SEZ6L: variants seen among roughly 807,000 people sequenced by gnomAD.
SEZ6L encodes the protein seizure related 6 homolog like.
Under a neutral mutation model 106.2 loss-of-function variants are expected in SEZ6L, and 37 were observed. That is an observed-to-expected ratio of 0.35 (90% CI 0.27 to 0.46). The LOEUF is 0.46. Ranked by LOEUF, SEZ6L falls within the 20% of genes least tolerant of loss-of-function variation. SEZ6L has a pLI of 1.00. For missense variants in SEZ6L, 1,172 were observed against 1,332.8 expected (o/e 0.88, Z 1.88); for synonymous variants, 541 against 570.4 (o/e 0.95, Z 0.73).
At chr22:26,373,209 G>GTAAT (rs1485200884) in intron 13 of SEZ6L, among the ~76,000 whole-genome samples, 1 of 152,224 alleles carries the variant, frequency 6.6e-6, no homozygotes, top group Non-Finnish European at 1.5e-5. Flanking sequence ...TGAGTGTTCA[G>GTAAT]TAATTATTCA....
At chr22:26,366,217 C>G (rs1054898510) in intron 13 of SEZ6L, among the ~76,000 whole-genome samples, 3 of 152,014 alleles carry the variant, frequency 2.0e-5, no homozygotes, top group African/African-American at 7.3e-5. Flanking sequence ...GCCTGAAGTC[C>G]CAGCTACTCG....
intron 11 of SEZ6L, among the ~76,000 whole-genome samples, chr22:26,348,814 AGAAGAG>A (rs2083170795): frequency 4.7e-4 from 1 of 2,146 alleles, no homozygotes; most frequent in Non-Finnish European, 8.4e-4. Context: ...GGAAGGGGAG[AGAAGAG>A]AGGGAAGGGG....
chr22:26,318,947 C>G (rs2082079909), intron 9 of SEZ6L, among the ~76,000 whole-genome samples: 1 of 152,162 alleles, frequency 6.6e-6, no homozygotes, highest in Non-Finnish European at 1.5e-5. Flanking sequence ...AAGTTGGCGG[C>G]ACAGTGGGCC....
intron 1 of SEZ6L, among the ~76,000 whole-genome samples, chr22:26,205,230 G>A (rs933589960): frequency 1.3e-5 from 2 of 152,136 alleles, no homozygotes; most frequent in South Asian, 4.1e-4. Flanking sequence ...AATTACCAAC[G>A]CCTTCCTGGC....
At chr22:26,370,199 G>A (rs191448836) in intron 13 of SEZ6L, among the ~76,000 whole-genome samples, 4 of 152,116 alleles carry the variant, frequency 2.6e-5, no homozygotes, top group South Asian at 4.2e-4. Context: ...TGGCTAACAC[G>A]GTGAAACCTC....
intron 1 of SEZ6L, among the ~76,000 whole-genome samples, chr22:26,199,470 C>G (rs1057497077): frequency 2.0e-5 from 3 of 152,178 alleles, no homozygotes; most frequent in Non-Finnish European, 4.4e-5. Context: ...CCACTTTATA[C>G]AAAATGACAA....
intron 1 of SEZ6L, among the ~76,000 whole-genome samples, chr22:26,255,741 G>A (rs1038761516): frequency 5.3e-5 from 8 of 152,226 alleles, no homozygotes; most frequent in African/African-American, 1.7e-4. Flanking sequence ...AGGGTAACGC[G>A]CAGCAGTTGT....
chr22:26,333,752 C>G (rs1055646583), intron 9 of SEZ6L, among the ~76,000 whole-genome samples: 3 of 152,086 alleles, frequency 2.0e-5, no homozygotes, highest in Non-Finnish European at 2.9e-5. Context: ...TGACTGAGCT[C>G]CATAAGGAGG....
At chr22:26,326,448 TG>T in intron 9 of SEZ6L, among the ~76,000 whole-genome samples, 1 of 152,198 alleles carries the variant, frequency 6.6e-6, no homozygotes, top group East Asian at 1.9e-4. Context: ...TGGATTACTG[TG>T]GTGCCAAAAT....
intron 1 of SEZ6L, among the ~76,000 whole-genome samples, chr22:26,264,583 C>T (rs960072072): frequency 1.3e-5 from 2 of 152,078 alleles, no homozygotes; most frequent in Admixed American, 6.5e-5. Flanking sequence ...AGACATTTGC[C>T]AGGGCTGGCA....
intron 1 of SEZ6L, among the ~76,000 whole-genome samples, chr22:26,246,899 T>G (rs533257784): frequency 6.6e-6 from 1 of 152,218 alleles, no homozygotes; most frequent in Admixed American, 6.5e-5. Flanking sequence ...TGGGTCTCAA[T>G]GTTTCTGTCA....
At chr22:26,250,835 T>C (rs1464395116) in intron 1 of SEZ6L, among the ~76,000 whole-genome samples, 6 of 152,210 alleles carry the variant, frequency 3.9e-5, no homozygotes, top group Admixed American at 1.3e-4. Context: ...CAATTTCTTT[T>C]ATCAGTGTTC....
intron 1 of SEZ6L, among the ~76,000 whole-genome samples, chr22:26,228,755 G>A (rs2078709495): frequency 6.6e-6 from 1 of 152,158 alleles, no homozygotes; most frequent in Non-Finnish European, 1.5e-5. Context: ...TTGCAATGAG[G>A]AAATTGAGGC....
At chr22:26,242,290 T>A (rs992958369) in intron 1 of SEZ6L, among the ~76,000 whole-genome samples, 4 of 152,256 alleles carry the variant, frequency 2.6e-5, no homozygotes, top group African/African-American at 7.2e-5. Flanking sequence ...GCTCCTTCAC[T>A]GATATCCTCC....
At chr22:26,371,627 G>C (rs554611866) in intron 13 of SEZ6L, among the ~76,000 whole-genome samples, 2 of 150,628 alleles carry the variant, frequency 1.3e-5, no homozygotes, top group Admixed American at 6.6e-5. Context: ...GCAAGACTCT[G>C]TCTTAAAAAA....
intron 1 of SEZ6L, among the ~76,000 whole-genome samples, chr22:26,198,829 C>T (rs1940749095): frequency 6.6e-6 from 1 of 152,216 alleles, no homozygotes; most frequent in African/African-American, 2.4e-5. Context: ...GTAGACATTC[C>T]CACCTCCTCC....
chr22:26,217,002 C>G (rs1378989980), intron 1 of SEZ6L, among the ~76,000 whole-genome samples: 1 of 152,216 alleles, frequency 6.6e-6, no homozygotes, highest in Non-Finnish European at 1.5e-5. Context: ...TCCTGCACCC[C>G]TGAGGATTAA....
chr22:26,187,380 A>G (rs970884399), intron 1 of SEZ6L, among the ~76,000 whole-genome samples: 2 of 152,184 alleles, frequency 1.3e-5, no homozygotes, highest in Non-Finnish European at 2.9e-5. Context: ...GGGGATTACA[A>G]TTTGCCTTAC....
chr22:26,244,973 A>T (rs191699652), intron 1 of SEZ6L, among the ~76,000 whole-genome samples: 2 of 152,314 alleles, frequency 1.3e-5, no homozygotes, highest in Admixed American at 1.3e-4. Context: ...CAGGGAAATG[A>T]CATGATCTGA....
Sources: gnomAD v4.1 joint callset for allele counts (sites outside exome capture counted in the v4.1 genomes callset) on GRCh38, gnomAD v4.1.1 for gene constraint, MANE v1.5 for transcripts, NCBI Gene and HGNC (gene_info 2026-07-23, HGNC 2026-07-21) for gene names.